The following GSN variants were observed in gnomAD, a reference collection of about 807,000 sequenced individuals.
GSN encodes gelsolin.
A neutral mutation model predicts 85.7 loss-of-function variants in GSN; 56 were observed. The observed-to-expected ratio is 0.65, with a 90% CI of 0.53 to 0.82. GSN has a LOEUF of 0.82. Among genes scored for constraint, GSN ranks in the 40% least tolerant of loss-of-function variants. GSN has a pLI of 0.00. For missense variants in GSN, 857 were observed against 979.8 expected (o/e 0.87, Z 1.67); for synonymous variants, 373 against 399.1 (o/e 0.93, Z 0.78).
At chr9:121,307,621 A>G (rs924440023) in intron 4 of GSN, among the ~76,000 whole-genome samples, 4 of 152,226 alleles carry the variant, frequency 2.6e-5, no homozygotes, top group Non-Finnish European at 5.9e-5. Flanking sequence ...TGGGAAAATT[A>G]TTAATAGTTC....
At chr9:121,315,771 A>T (rs1161659222) in intron 7 of GSN, among the ~76,000 whole-genome samples, 2 of 152,102 alleles carry the variant, frequency 1.3e-5, no homozygotes, top group African/African-American at 2.4e-5. Context: ...CAAAAATAAT[A>T]ATAATAAATA....
intron 2 of GSN, chr9:121,286,059 A>G: frequency 1.3e-6 from 2 of 1,487,256 alleles, no homozygotes; most frequent in Non-Finnish European, 9.1e-7. Context: ...CTATTTCCAG[A>G]CTAATCCTGA....
chr9:121,300,271 C>T, intron 2 of GSN: 1 of 620,916 alleles, frequency 1.6e-6, no homozygotes, highest in Non-Finnish European at 3.0e-6. Flanking sequence ...TACCTCCTGT[C>T]TCCTGAATTC....
At chr9:121,300,605 C>T (rs1157609951) in intron 2 of GSN, among the ~76,000 whole-genome samples, 1 of 152,164 alleles carries the variant, frequency 6.6e-6, no homozygotes, top group Non-Finnish European at 1.5e-5. Flanking sequence ...CCTGCACCTG[C>T]TGATTTTTGT....
chr9:121,228,424 ATTTTTTTTTTTTTTT>A (rs869071386), intron 4 of GSN, among the ~76,000 whole-genome samples: 4 of 48,120 alleles, frequency 8.3e-5, no homozygotes, highest in African/African-American at 3.5e-4. Flanking sequence ...ATATATATAT[ATTTTTTTTTTTTTTT>A]TTTTTTTTTT....
chr9:121,225,069 T>C (rs2054248032), intron 4 of GSN, among the ~76,000 whole-genome samples: 1 of 152,264 alleles, frequency 6.6e-6, no homozygotes, highest in African/African-American at 2.4e-5. Context: ...TCCTCCCACC[T>C]CGGCCTCCCA....
upstream of GSN, among the ~76,000 whole-genome samples, chr9:121,204,110 C>G (rs1025284709): frequency 6.6e-6 from 1 of 152,208 alleles, no homozygotes; most frequent in African/African-American, 2.4e-5. Context: ...TTATGTATAG[C>G]TGATGTTTAT....
upstream of GSN, among the ~76,000 whole-genome samples, chr9:121,264,675 C>T (rs946210602): frequency 6.6e-6 from 1 of 152,156 alleles, no homozygotes; most frequent in Admixed American, 6.5e-5. Context: ...CCTTCCTCAC[C>T]TCCACTCTTA....
At position 121,316,959 on chromosome 9, in the gene GSN, C is replaced by T. The variant is rs111808348; in HGVS notation, c.754-127C>T. The T allele has an allele frequency of 1.0e-3, 1,196 of 1,163,086 alleles. 10 individuals are homozygous for T. The African/African-American group carries it at 0.015, about 15-fold the overall frequency. The allele number at this position is 1,163,086 out of a possible 1,614,324, so 72.0% of individuals were successfully genotyped here. ...ACGAAAAAGAACCTCTAAATGTGTG[C>T]GAGAGGAAGCCCAGGTGTTACTCTA... On this transcript the variant is annotated intron_variant, in intron 7 of 17. Coordinates refer to ENST00000432226, the MANE Select transcript of GSN (RefSeq NM_198252.3).
At chr9:121,322,061 A>C (rs1239639466) in intron 11 of GSN, among the ~76,000 whole-genome samples, 2 of 152,196 alleles carry the variant, frequency 1.3e-5, no homozygotes, top group Non-Finnish European at 2.9e-5. Flanking sequence ...ATTTTAAAAC[A>C]GAGAATACAT....
Position 121,327,474 on chromosome 9 carries a change from G to GCGAGCCAGGTAGGAGC in GSN, c.1757_1762+10dup, listed in dbSNP as rs766040967. 4.4e-6 allele frequency: 7 copies of GCGAGCCAGGTAGGAGC among 1,574,852 alleles called. No individual in the cohort carries two copies. The South Asian group carries it at 8.0e-5, about 18-fold the overall frequency. On this transcript the variant is annotated frameshift_variant, in exon 14 of 18. Transcript: ENST00000432226. LOFTEE classifies it high-confidence loss of function. ...CAACCTGTGCAGGTGGCAGAAGGCA[G>GCGAGCCAGGTAGGAGC]CGAGCCAGGTAGGAGCCGGGGTGGG...
chr9:121,221,115 G>C (rs1351722491), intron 4 of GSN, among the ~76,000 whole-genome samples: 1 of 152,168 alleles, frequency 6.6e-6, no homozygotes, highest in Non-Finnish European at 1.5e-5. Flanking sequence ...TTCTGGCAGA[G>C]ACCCCGAGGA....
upstream of GSN, among the ~76,000 whole-genome samples, chr9:121,207,573 A>G (rs2053902595): frequency 6.6e-6 from 1 of 152,226 alleles, no homozygotes; most frequent in South Asian, 2.1e-4. Context: ...AATGTACAGA[A>G]ACATGAGACC....
In GSN at chr9:121,331,444, T is replaced by A. The variant is rs747181978; in HGVS notation, c.2022T>A (p.Thr674=). The A allele has an allele frequency of 1.4e-6, 2 of 1,449,344 alleles. No homozygotes were observed. The highest frequency in any genetic ancestry group is 1.9e-6 in the Non-Finnish European group (2 of 1,063,726). The allele number at this position is 1,449,344 out of a possible 1,614,324, so 89.8% of individuals were successfully genotyped here. A position where few individuals can be genotyped will look rare whatever the true frequency, so the allele number is the denominator to read the frequency against. ...SQEEEKTEAL[T]SAKRYIETDP... ...AAGAAGAAAAGACAGAAGCCTTGAC[T>A]TCTGGTGAGGACCCGAGTGCCTGGG... is the stretch of plus-strand genomic sequence containing the variant. The change falls in exon 17 of 18, where the codon ACT becomes ACA. Residue 674 remains threonine (T), a synonymous_variant. Transcript: ENST00000432226.
intron 4 of GSN, among the ~76,000 whole-genome samples, chr9:121,216,012 T>C (rs919370966): frequency 3.9e-5 from 6 of 152,114 alleles, no homozygotes; most frequent in African/African-American, 4.8e-5. Flanking sequence ...TATTTATTTA[T>C]TTATTATTTT....
intron 4 of GSN, among the ~76,000 whole-genome samples, chr9:121,219,673 C>T (rs1254196581): frequency 6.6e-6 from 1 of 152,078 alleles, no homozygotes; most frequent in South Asian, 2.1e-4. Flanking sequence ...CAATCACACA[C>T]CCACCAGTGC....
At chr9:121,279,693 T>G (rs943367386) in intron 1 of GSN, among the ~76,000 whole-genome samples, 1 of 151,936 alleles carries the variant, frequency 6.6e-6, no homozygotes, top group South Asian at 2.1e-4. Flanking sequence ...ACATTGTACT[T>G]GGGAACAAAT....
intron 5 of GSN, among the ~76,000 whole-genome samples, chr9:121,233,321 C>G (rs1208882387): frequency 6.6e-6 from 1 of 152,030 alleles, no homozygotes; most frequent in Non-Finnish European, 1.5e-5. Flanking sequence ...AAAAATTAGT[C>G]GGGCGTGGTA....
At chr9:121,210,202 A>C (rs1465848143) in intron 2 of GSN, 1 of 152,194 alleles carries the variant, frequency 6.6e-6, no homozygotes, top group Non-Finnish European at 1.5e-5. Flanking sequence ...TAATGTGTCA[A>C]CTACTTCCCT....
Sources: gnomAD v4.1 joint callset for allele counts (sites outside exome capture counted in the v4.1 genomes callset) on GRCh38, gnomAD v4.1.1 for gene constraint, MANE v1.5 for transcripts, NCBI Gene and HGNC (gene_info 2026-07-23, HGNC 2026-07-21) for gene names.